Variants in IGSF5 observed in about 807,000 individuals in gnomAD.
IGSF5 encodes the protein immunoglobulin superfamily member 5.
Under a neutral mutation model 39.4 loss-of-function variants are expected in IGSF5, and 41 were observed. That is an observed-to-expected ratio of 1.04 (90% CI 0.81 to 1.35). The LOEUF (loss-of-function observed/expected upper bound fraction) is 1.35. Ranked by LOEUF, IGSF5 falls within the 40% of genes most tolerant of loss-of-function variation. IGSF5 has a pLI of 0.00. For synonymous variants in IGSF5, 183 were observed against 175.3 expected (o/e 1.04, Z -0.34); for missense variants, 487 against 494.6 (o/e 0.98, Z 0.15).
chr21:39,782,907 C>A (rs897029829), intron 5 of IGSF5, among the ~76,000 whole-genome samples: 3 of 152,140 alleles, frequency 2.0e-5, no homozygotes. Flanking sequence ...AGCCTCTGAT[C>A]CCCACAATTA....
intron 2 of IGSF5, among the ~76,000 whole-genome samples, chr21:39,762,946 C>T (rs936707811): frequency 6.6e-6 from 1 of 151,952 alleles, no homozygotes; most frequent in Non-Finnish European, 1.5e-5. Flanking sequence ...AGTGCTCTGC[C>T]CCCCATCTGG....
chr21:39,761,479 G>A (rs1247401328), intron 2 of IGSF5, among the ~76,000 whole-genome samples: 1 of 152,140 alleles, frequency 6.6e-6, no homozygotes, highest in Non-Finnish European at 1.5e-5. Flanking sequence ...CCTACAGAAT[G>A]GGAGAAAATA....
At chr21:39,788,085 G>A (rs2086934603) in intron 5 of IGSF5, 82 bp from the exon 6 acceptor site, 1 of 1,021,382 alleles carries the variant, frequency 9.8e-7, no homozygotes, top group Non-Finnish European at 1.5e-6. Flanking sequence ...GTTAAAATAA[G>A]GGAGTGTATA....
intron 2 of IGSF5, among the ~76,000 whole-genome samples, chr21:39,748,281 A>C (rs1418695547): frequency 7.0e-6 from 1 of 143,162 alleles, no homozygotes; most frequent in Admixed American, 7.0e-5. Flanking sequence ...TGAAGTGTGC[A>C]AGTGAAGAGA....
At chr21:39,789,271 TG>T (rs1166175716) in intron 6 of IGSF5, among the ~76,000 whole-genome samples, 1 of 152,170 alleles carries the variant, frequency 6.6e-6, no homozygotes, top group East Asian at 1.9e-4. Flanking sequence ...CTCAGGATAA[TG>T]GGTAGAGGAT....
intron 5 of IGSF5, 84 bp from the exon 6 acceptor site, chr21:39,788,083 A>G: frequency 2.0e-6 from 2 of 1,012,862 alleles, no homozygotes; most frequent in Non-Finnish European, 3.0e-6. Context: ...CTGTTAAAAT[A>G]AGGGAGTGTA....
chr21:39,720,012 G>C, the IGSF5 span, among the ~76,000 whole-genome samples: 2 of 152,190 alleles, frequency 1.3e-5, no homozygotes, highest in African/African-American at 4.8e-5. Flanking sequence ...CTTTAGAATA[G>C]TTTTATACAT....
At chr21:39,794,635 A>T (rs1243625530) in intron 8 of IGSF5, among the ~76,000 whole-genome samples, 1 of 152,204 alleles carries the variant, frequency 6.6e-6, no homozygotes, top group Admixed American at 6.5e-5. Context: ...TCAGACAAGA[A>T]GTATTTCAAT....
the IGSF5 span, among the ~76,000 whole-genome samples, chr21:39,727,208 C>A: frequency 1.3e-5 from 2 of 152,204 alleles, no homozygotes; most frequent in African/African-American, 4.8e-5. Context: ...TTCCACAGGA[C>A]TAGAGATCCT....
chr21:39,772,194 GT>G (rs1167925441), intron 4 of IGSF5, among the ~76,000 whole-genome samples: 6 of 152,206 alleles, frequency 3.9e-5, no homozygotes, highest in African/African-American at 1.4e-4. Flanking sequence ...CCGTATGAGT[GT>G]TGCTGTTATT....
intron 3 of IGSF5, 75 bp from the exon 4 acceptor site, chr21:39,770,841 A>T: frequency 9.2e-7 from 1 of 1,088,670 alleles, no homozygotes; most frequent in African/African-American, 1.6e-5. Context: ...AAAAAAAAAA[A>T]GAAAAAAAAA....
rs199849690 is a variant in IGSF5 at position 39,792,006 on chromosome 21, A to G, written c.957-2A>G. On this transcript the variant is annotated splice_acceptor_variant, in intron 6 of 8. Coordinates refer to ENST00000380588, the MANE Select transcript of IGSF5 (RefSeq NM_001080444.2). LOFTEE classifies it high-confidence loss of function. ...CATGAACATAAAATGGTCTAATTGT[A>G]GGAAATCTGAAAAAGAGAAGACAAA... 2.4e-4 allele frequency: 382 copies of G among 1,596,584 alleles called. 1 individual carries two copies. Among genetic ancestry groups the G allele is most frequent in the South Asian group, 9.4e-4 (84 of 89,144 alleles).
the IGSF5 span, among the ~76,000 whole-genome samples, chr21:39,739,252 C>CT: frequency 0.049 from 6,991 of 141,894 alleles, 546 homozygotes; most frequent in African/African-American, 0.16. Flanking sequence ...TTTTCTTCTG[C>CT]TTTTTTTTTT....
chr21:39,769,869 A>C (rs1425189994), intron 3 of IGSF5, among the ~76,000 whole-genome samples: 3 of 152,234 alleles, frequency 2.0e-5, no homozygotes, highest in African/African-American at 7.2e-5. Flanking sequence ...TAAAACCCAC[A>C]CAAATGAAAG....
At chr21:39,739,417 T>A in the IGSF5 span, among the ~76,000 whole-genome samples, 3 of 152,110 alleles carry the variant, frequency 2.0e-5, no homozygotes, top group Non-Finnish European at 4.4e-5. Flanking sequence ...CAACAGATGA[T>A]TGGTTATTTC....
chr21:39,756,549 T>C lies in IGSF5; in HGVS notation c.101-8986T>C, dbSNP rs533300822. ...TCACCTCATATTCTGGAGGGACGGG[T>C]GGACGAGACTCGCAGGGCTGTGGAA... On this transcript the variant is annotated intron_variant, in intron 2 of 8. Transcript: ENST00000380588. Among the ~76,000 whole-genome samples the C allele has an allele frequency of 1.6e-4, 25 of 152,220 alleles. 1 individual carries two copies. In the South Asian group the frequency reaches 4.2e-3, roughly 25 times the overall value.
the IGSF5 span, among the ~76,000 whole-genome samples, chr21:39,737,017 T>C: frequency 6.6e-6 from 1 of 152,198 alleles, no homozygotes; most frequent in African/African-American, 2.4e-5. Context: ...TTATGACTTA[T>C]GCTAGGCCTG....
intron 2 of IGSF5, among the ~76,000 whole-genome samples, chr21:39,762,956 G>A (rs6517568): frequency 0.4 from 60,230 of 151,838 alleles, 12,308 homozygotes; most frequent in Middle Eastern, 0.46. Flanking sequence ...CCCCCATCTG[G>A]CTGTTTGCTC....
At chr21:39,752,243 T>G (rs1478917376) in intron 2 of IGSF5, among the ~76,000 whole-genome samples, 1 of 152,316 alleles carries the variant, frequency 6.6e-6, no homozygotes, top group South Asian at 2.1e-4. Flanking sequence ...CTCCCACTTA[T>G]AAGTGAGAAC....
Sources: gnomAD v4.1 joint callset for allele counts (sites outside exome capture counted in the v4.1 genomes callset) on GRCh38, gnomAD v4.1.1 for gene constraint, MANE v1.5 for transcripts, NCBI Gene and HGNC (gene_info 2026-07-23, HGNC 2026-07-21) for gene names.